CERKL: variants seen among roughly 807,000 people sequenced by gnomAD.
CERKL encodes the protein ceramide kinase-like protein.
In CERKL, 61 loss-of-function variants were observed where a neutral mutation model predicts 63.4. The observed-to-expected ratio is 0.96, with a 90% CI of 0.78 to 1.19. The LOEUF (loss-of-function observed/expected upper bound fraction) is 1.19, where lower values mean the gene tolerates loss of function less well. CERKL is among the 50% of genes most tolerant of loss of function. The pLI, the probability that CERKL is intolerant of heterozygous loss-of-function variation, is 0.00. For synonymous variants in CERKL, 250 were observed against 230.5 expected, an observed-to-expected ratio of 1.08 and a Z score of -0.77; for missense variants, 675 against 655.5, an observed-to-expected ratio of 1.03 and a Z score of -0.33.
intron 3 of CERKL, among the ~76,000 whole-genome samples, chr2:181,572,205 T>C (rs561688061): frequency 6.2e-4 from 94 of 152,266 alleles, no homozygotes; most frequent in African/African-American, 2.2e-3. Flanking sequence ...AACTGCCTAG[T>C]TCAAATGCTT....
At chr2:181,596,229 T>C (rs1408801345) in intron 2 of CERKL, among the ~76,000 whole-genome samples, 1 of 152,214 alleles carries the variant, frequency 6.6e-6, no homozygotes, top group African/African-American at 2.4e-5. Flanking sequence ...ACTCTTATTC[T>C]CAGGATACTC....
intron 2 of CERKL, among the ~76,000 whole-genome samples, chr2:181,598,699 C>T (rs2105887024): frequency 6.6e-6 from 1 of 152,274 alleles, no homozygotes; most frequent in South Asian, 2.1e-4. Context: ...GCACCCTCAG[C>T]CCCACATGAG....
rs1688305805 is a variant in CERKL, at chr2:181,558,585, T to C, written c.801A>G (p.Pro267=). 1 of 1,613,648 alleles carries C rather than the reference T, an allele frequency of 6.2e-7. No homozygotes were observed. The highest frequency in any genetic ancestry group is 8.5e-7 in the Non-Finnish European group (1 of 1,179,798). The change falls in exon 5 of 13, where the codon CCA becomes CCG. Residue 267 remains proline (P), a synonymous_variant. Coordinates refer to ENST00000410087, the MANE Select transcript of CERKL (RefSeq NM_201548.5). This position sits in a 1 kb window ranked among gnomAD's most constrained non-coding sequence, Gnocchi z 4.2. ...CCTTGCCTGCTGGTATTAAGCCAAG[T>C]GGAAGCTGTGCTCTGACAGGAGTCA... The part of the protein sequence containing the change: ...RILTPVRAQL[P]LGLIPAGSTN...
At chr2:181,640,133 T>C (rs1244836118) in intron 1 of CERKL, among the ~76,000 whole-genome samples, 2 of 152,234 alleles carry the variant, frequency 1.3e-5, no homozygotes, top group East Asian at 3.8e-4. Context: ...TGTCTACCTC[T>C]GAATTCAGTC....
chr2:181,629,221 T>C (rs572682419), intron 1 of CERKL, among the ~76,000 whole-genome samples: 103 of 151,928 alleles, frequency 6.8e-4, no homozygotes, highest in Non-Finnish European at 1.1e-3. Flanking sequence ...GCAGAATGCC[T>C]AACCAAAAAA....
At chr2:181,572,252 C>T (rs930317527) in intron 3 of CERKL, among the ~76,000 whole-genome samples, 26 of 152,268 alleles carry the variant, frequency 1.7e-4, no homozygotes, top group African/African-American at 5.5e-4. Context: ...ACCTCTGAGA[C>T]ATCAAAGTTC....
chr2:181,641,330 TATATATATATATATAC>T (rs1163365004), intron 1 of CERKL, among the ~76,000 whole-genome samples: 310 of 8,412 alleles, frequency 0.037, 6 homozygotes, highest in Middle Eastern at 0.059. Flanking sequence ...TATATATATA[TATATATATATATATAC>T]ATATATATAC....
At chr2:181,627,048 T>C (rs560666913) in intron 1 of CERKL, among the ~76,000 whole-genome samples, 1 of 152,350 alleles carries the variant, frequency 6.6e-6, no homozygotes, top group African/African-American at 2.4e-5. Flanking sequence ...ATATTGCTTG[T>C]AGAGGCAAGA....
At chr2:181,590,768 A>T (rs926503289) in intron 2 of CERKL, among the ~76,000 whole-genome samples, 1 of 152,224 alleles carries the variant, frequency 6.6e-6, no homozygotes, top group African/African-American at 2.4e-5. Flanking sequence ...AAAAGTACTT[A>T]AAACATACAA....
At chr2:181,575,222 C>T (rs1006836607) in intron 2 of CERKL, among the ~76,000 whole-genome samples, 1 of 152,220 alleles carries the variant, frequency 6.6e-6, no homozygotes, top group Non-Finnish European at 1.5e-5. Context: ...CTGGTCAGTG[C>T]TGCACAGTTC....
Position 181,550,682 on chromosome 2 carries a change from T to C in CERKL, c.821-974A>G, listed in dbSNP as rs1687944874. Among the ~76,000 whole-genome samples the C allele has an allele frequency of 6.6e-6, 1 of 152,192 alleles. No individual in the cohort carries two copies. The highest frequency in any genetic ancestry group is 6.6e-5 in the Admixed American group (1 of 15,252). The stretch of plus-strand genomic sequence containing the variant: ...AGCATTCCTATGTGATCATACATAA[T>C]TGCTTCAATTTGTGTTACTTTGAAC... On this transcript the variant is annotated intron_variant, in intron 5 of 12. Coordinates refer to ENST00000410087, the MANE Select transcript of CERKL (RefSeq NM_201548.5). This position sits in a 1 kb window ranked among gnomAD's most constrained non-coding sequence, Gnocchi z 4.5.
chr2:181,549,537 C>A (rs369074970), intron 6 of CERKL, 97 bp downstream of exon 6: 1 of 969,910 alleles, frequency 1.0e-6, no homozygotes, highest in Non-Finnish European at 1.7e-6. Flanking sequence ...AGACAAAGAA[C>A]CTGCCTTTTC....
Position 181,558,737 on chromosome 2 carries a change from G to A in CERKL, c.678-29C>T, listed in dbSNP as rs367791203. On this transcript the variant is annotated intron_variant, in intron 4 of 12. Transcript: ENST00000410087. This position sits in a 1 kb window ranked among gnomAD's most constrained non-coding sequence, Gnocchi z 4.2. Reference sequence around the variant, plus strand: ...GAAAAATACAAATCAAGCAAAGAAGGCAAAACTTCAGAATGATTGGTAATA... The same window carrying A: ...GAAAAATACAAATCAAGCAAAGAAGACAAAACTTCAGAATGATTGGTAATA... 7.4e-6 allele frequency: 12 copies of A among 1,611,494 alleles called. No homozygotes were observed. Among genetic ancestry groups the A allele is most frequent in the Non-Finnish European group, 1.0e-5 (12 of 1,178,308 alleles).
chr2:181,627,733 G>A (rs1190665663), intron 1 of CERKL, among the ~76,000 whole-genome samples: 1 of 152,100 alleles, frequency 6.6e-6, no homozygotes, highest in Non-Finnish European at 1.5e-5. Flanking sequence ...AGACTTTGCC[G>A]AAGAGGAAAA....
At chr2:181,653,919 C>T (rs2105555605) in intron 1 of CERKL, among the ~76,000 whole-genome samples, 1 of 152,022 alleles carries the variant, frequency 6.6e-6, no homozygotes, top group South Asian at 2.1e-4. Context: ...ATGTTCTAAC[C>T]CACAAGGAAA....
Position 181,538,171 on chromosome 2 carries a change from A to G in CERKL, c.*13T>C. The stretch of plus-strand genomic sequence containing the variant: ...ATTCTAGTTTGTACATTTCTTTTAG[A>G]AACAATTACATGTTACTTTGGAATC... On this transcript the variant is annotated 3_prime_UTR_variant, in exon 13 of 13. Transcript: ENST00000410087. The G allele has an allele frequency of 6.5e-7, 1 of 1,527,896 alleles. No individual in the cohort carries two copies. The highest frequency in any genetic ancestry group is 1.4e-5 in the African/African-American group (1 of 73,294). 94.6% of individuals were successfully genotyped at this position (1,527,896 alleles called of 1,614,324 possible). A position where few individuals can be genotyped will look rare whatever the true frequency, so the allele number is the denominator to read the frequency against.
chr2:181,600,872 G>A (rs111560886), intron 2 of CERKL, among the ~76,000 whole-genome samples: 3,019 of 152,240 alleles, frequency 0.02, 97 homozygotes, highest in African/African-American at 0.065. Context: ...ACAGACATCT[G>A]CAGAATATTC....
At chr2:181,653,730 T>G (rs984569421) in intron 1 of CERKL, among the ~76,000 whole-genome samples, 3 of 152,064 alleles carry the variant, frequency 2.0e-5, no homozygotes, top group African/African-American at 7.2e-5. Context: ...GAGATTAGAA[T>G]AGTTACCAGA....
intron 5 of CERKL, among the ~76,000 whole-genome samples, chr2:181,556,130 C>A (rs1688193075): frequency 6.6e-6 from 1 of 152,012 alleles, no homozygotes; most frequent in South Asian, 2.1e-4. Flanking sequence ...AACTGAAATT[C>A]AAGTCCAGTC....
Sources: gnomAD v4.1 joint callset for allele counts (sites outside exome capture counted in the v4.1 genomes callset) on GRCh38, gnomAD v4.1.1 for gene constraint, Gnocchi (gnomAD v3.1) non-coding constraint, MANE v1.5 for transcripts, NCBI Gene and HGNC (gene_info 2026-07-23, HGNC 2026-07-21) for gene names.